Variants in SKIC3 observed in about 807,000 individuals in gnomAD.
SKIC3 encodes the protein superkiller complex protein 3.
At chr5:95,523,898 T>C in the SKIC3 span, 59,006 of 1,465,026 alleles carry the variant, frequency 0.04, 1,377 homozygotes, top group Middle Eastern at 0.072. Context: ...TCTTTACAAA[T>C]ACAGAAGATA....
At chr5:95,523,346 A>T in the SKIC3 span, 1 of 1,597,438 alleles carries the variant, frequency 6.3e-7, no homozygotes, top group Non-Finnish European at 8.6e-7. Flanking sequence ...AGAAAATACT[A>T]ATATTAGATA....
At chr5:95,550,044 T>C in the SKIC3 span, among the ~76,000 whole-genome samples, 8 of 152,044 alleles carry the variant, frequency 5.3e-5, no homozygotes, top group Non-Finnish European at 1.0e-4. Context: ...TTCCGCCTTA[T>C]ACCTCTCCTC....
chr5:95,490,154 T>C, the SKIC3 span, among the ~76,000 whole-genome samples: 1 of 152,048 alleles, frequency 6.6e-6, no homozygotes. Flanking sequence ...CTGATTAGAT[T>C]AACAGCTTAT....
chr5:95,512,667 T>A, the SKIC3 span: 2 of 1,605,132 alleles, frequency 1.2e-6, no homozygotes, highest in South Asian at 2.2e-5. Flanking sequence ...AATGTGTCAA[T>A]AAAAATTATA....
At chr5:95,510,378 C>T in the SKIC3 span, among the ~76,000 whole-genome samples, 1 of 152,180 alleles carries the variant, frequency 6.6e-6, no homozygotes, top group South Asian at 2.1e-4. Context: ...AAACAAACCC[C>T]CTTCTTGCCT....
At chr5:95,534,095 G>T in the SKIC3 span, among the ~76,000 whole-genome samples, 1 of 151,500 alleles carries the variant, frequency 6.6e-6, no homozygotes, top group African/African-American at 2.4e-5. Context: ...TAGGGAAAAA[G>T]AATTGGTACC....
At chr5:95,505,743 G>A in the SKIC3 span, among the ~76,000 whole-genome samples, 2 of 151,848 alleles carry the variant, frequency 1.3e-5, no homozygotes. Flanking sequence ...AACCCCAGAG[G>A]TGGAGGTTGC....
chr5:95,523,532 T>C, the SKIC3 span: 5 of 1,282,724 alleles, frequency 3.9e-6, no homozygotes, highest in Non-Finnish European at 5.3e-6. Context: ...GAGGCAAAAA[T>C]ATTTATATTG....
At chr5:95,513,388 T>A in the SKIC3 span, 4 of 608,982 alleles carry the variant, frequency 6.6e-6, no homozygotes, top group East Asian at 6.1e-5. Context: ...TTTTTTTTTT[T>A]AAGAGACAGG....
At chr5:95,525,660 T>A in the SKIC3 span, 9 of 1,614,010 alleles carry the variant, frequency 5.6e-6, no homozygotes, top group African/African-American at 1.1e-4. Context: ...TGGGATATTA[T>A]CTGCATCAGA....
At chr5:95,540,605 C>G in the SKIC3 span, 1 of 1,519,980 alleles carries the variant, frequency 6.6e-7, no homozygotes, top group Non-Finnish European at 9.1e-7. Context: ...ATTAAAATGA[C>G]AATGATCAAT....
At chr5:95,491,108 G>A in the SKIC3 span, 55 of 1,579,066 alleles carry the variant, frequency 3.5e-5, no homozygotes, top group Non-Finnish European at 4.5e-5. Flanking sequence ...TCAAAAATGA[G>A]ATTAAGAGTT....
chr5:95,536,867 G>A, the SKIC3 span: 16 of 1,613,590 alleles, frequency 9.9e-6, no homozygotes, highest in Non-Finnish European at 1.4e-5. Flanking sequence ...CTGTACAGTA[G>A]GATAGATGTT....
the SKIC3 span, among the ~76,000 whole-genome samples, chr5:95,483,166 A>C: frequency 1.3e-5 from 2 of 152,114 alleles, no homozygotes; most frequent in African/African-American, 2.4e-5. Flanking sequence ...TTTCTATCTT[A>C]AAATACTTAC....
At chr5:95,489,506 A>T in the SKIC3 span, among the ~76,000 whole-genome samples, 240 of 150,012 alleles carry the variant, frequency 1.6e-3, 2 homozygotes, top group African/African-American at 5.8e-3. Flanking sequence ...AACCAGTAAA[A>T]AAGGGCAACC....
chr5:95,476,280 A>G, the SKIC3 span, among the ~76,000 whole-genome samples: 2 of 152,084 alleles, frequency 1.3e-5, no homozygotes. Flanking sequence ...CCCATGGCTC[A>G]AGGCTGAGTT....
chr5:95,554,683 C>CG, the SKIC3 span, among the ~76,000 whole-genome samples: 38 of 152,206 alleles, frequency 2.5e-4, 1 homozygote, highest in East Asian at 1.7e-3. Flanking sequence ...GGAAGGTATT[C>CG]GGGGGGGTCT....
the SKIC3 span, among the ~76,000 whole-genome samples, chr5:95,471,257 T>C: frequency 0.18 from 26,832 of 152,134 alleles, 2,699 homozygotes; most frequent in East Asian, 0.34. Context: ...AAACTCTCAC[T>C]GGATGCTTTT....
chr5:95,484,796 C>A, the SKIC3 span: 1 of 1,614,090 alleles, frequency 6.2e-7, no homozygotes, highest in African/African-American at 1.3e-5. Flanking sequence ...GTGAGAGAGA[C>A]CACTTTTCAA....
Sources: allele counts gnomAD v4.1 joint callset (sites outside exome capture counted in the v4.1 genomes callset), GRCh38; gene constraint gnomAD v4.1.1; transcripts MANE v1.5; gene names NCBI Gene and HGNC (gene_info 2026-07-23, HGNC 2026-07-21).